The following SEMA6D variants were observed in gnomAD, a reference collection of about 807,000 sequenced individuals.
SEMA6D encodes the protein semaphorin 6D, also known as semaphorin-6D.
In SEMA6D, 35 loss-of-function variants were observed where a neutral mutation model predicts 106.6. That is an observed-to-expected ratio of 0.33 (90% CI 0.25 to 0.44). SEMA6D has a LOEUF of 0.44. Ranked by LOEUF, SEMA6D falls within the 20% of genes least tolerant of loss-of-function variation. SEMA6D has a pLI of 1.00. For missense variants in SEMA6D, 1,185 were observed against 1,345.9 expected, an observed-to-expected ratio of 0.88 and a Z score of 1.87; for synonymous variants, 499 against 487.7, an observed-to-expected ratio of 1.02 and a Z score of -0.31.
At chr15:47,237,006 A>C (rs1161494967) in intron 1 of SEMA6D, among the ~76,000 whole-genome samples, 1 of 152,178 alleles carries the variant, frequency 6.6e-6, no homozygotes, top group Non-Finnish European at 1.5e-5. Context: ...GTTCTATTGA[A>C]TCAAATGGAC....
At chr15:47,761,088 T>C in intron 4 of SEMA6D, 50 bp downstream of exon 4, 1 of 1,611,686 alleles carries the variant, frequency 6.2e-7, no homozygotes, top group South Asian at 1.1e-5. Context: ...TGAACCTGAT[T>C]AATTTTCCCA....
rs1555431242 is a variant in SEMA6D, at chr15:47,772,357, C to CGTGCGTGTGTGTGT, written c.*575_*576insCGTGTGTGTGTGTG. 1 of 141,546 alleles carries CGTGCGTGTGTGTGT rather than the reference C, an allele frequency of 7.1e-6. No homozygotes were observed. Among genetic ancestry groups the CGTGCGTGTGTGTGT allele is most frequent in the African/African-American group, 2.7e-5 (1 of 37,024 alleles). 8.8% of individuals were successfully genotyped at this position (141,546 alleles called of 1,614,324 possible). A position where few individuals can be genotyped will look rare whatever the true frequency, so the allele number is the denominator to read the frequency against. On this transcript the variant is annotated 3_prime_UTR_variant, in exon 19 of 19. Transcript: ENST00000536845. ...CACCAACAAACTTGTTGTGTGTGTGCGTGTGTGTGTGTGTGTGTGTGTGTG... is the reference window on the plus strand; with the variant it reads ...CACCAACAAACTTGTTGTGTGTGTGCGTGCGTGTGTGTGTGTGTGTGTGTGTGTGTGTGTGTGTG...
chr15:47,229,561 G>A (rs2032041939), intron 1 of SEMA6D, among the ~76,000 whole-genome samples: 1 of 150,230 alleles, frequency 6.7e-6, no homozygotes, highest in South Asian at 2.1e-4. Flanking sequence ...CCATTTGTCT[G>A]CTGTCATTTG....
intron 1 of SEMA6D, among the ~76,000 whole-genome samples, chr15:47,184,816 C>A (rs537777521): frequency 6.6e-6 from 1 of 152,258 alleles, no homozygotes; most frequent in Non-Finnish European, 1.5e-5. Flanking sequence ...GCGCCAAACC[C>A]GCAAGCTGGG....
chr15:47,397,589 A>G (rs2040258424), intron 1 of SEMA6D: 1 of 152,178 alleles, frequency 6.6e-6, no homozygotes, highest in African/African-American at 2.4e-5. Flanking sequence ...GAAATTGTAC[A>G]TTGATATACT....
At chr15:47,636,990 A>G (rs1275739622) in intron 4 of SEMA6D, among the ~76,000 whole-genome samples, 1 of 152,210 alleles carries the variant, frequency 6.6e-6, no homozygotes, top group Non-Finnish European at 1.5e-5. Flanking sequence ...TGTTTTTGAA[A>G]TAGTGCTGAA....
intron 1 of SEMA6D, among the ~76,000 whole-genome samples, chr15:47,254,876 TG>T (rs1379584976): frequency 0.014 from 34 of 2,378 alleles, no homozygotes; most frequent in African/African-American, 0.095. Context: ...CCTGTGGTTT[TG>T]TGTGTGTGTG....
chr15:47,686,128 A>G (rs1012755974), intron 4 of SEMA6D, among the ~76,000 whole-genome samples: 1 of 152,224 alleles, frequency 6.6e-6, no homozygotes, highest in Non-Finnish European at 1.5e-5. Flanking sequence ...CAGTGGCAAC[A>G]TATATTAAGA....
upstream of SEMA6D, among the ~76,000 whole-genome samples, chr15:47,715,283 TA>T (rs1227845830): frequency 6.6e-6 from 1 of 152,028 alleles, no homozygotes; most frequent in Non-Finnish European, 1.5e-5. Context: ...GTAGCAAAGT[TA>T]AAAGGTTAAA....
At chr15:47,352,983 A>C (rs1291717942) in intron 1 of SEMA6D, among the ~76,000 whole-genome samples, 2 of 152,098 alleles carry the variant, frequency 1.3e-5, no homozygotes, top group Non-Finnish European at 2.9e-5. Context: ...CTCTATACAA[A>C]TGTTTATTTA....
At chr15:47,645,481 T>C (rs1391670171) in intron 4 of SEMA6D, among the ~76,000 whole-genome samples, 1 of 152,028 alleles carries the variant, frequency 6.6e-6, no homozygotes, top group Non-Finnish European at 1.5e-5. Flanking sequence ...TAGGAAAAAA[T>C]AAGCCCAAAA....
chr15:47,636,590 A>G (rs73391001), intron 4 of SEMA6D, among the ~76,000 whole-genome samples: 5,228 of 152,186 alleles, frequency 0.034, 294 homozygotes, highest in African/African-American at 0.12. Flanking sequence ...CCTAGACATT[A>G]TCTTCTAGCC....
At chr15:47,508,928 G>A (rs2044137628) in intron 3 of SEMA6D, among the ~76,000 whole-genome samples, 1 of 152,058 alleles carries the variant, frequency 6.6e-6, no homozygotes, top group South Asian at 2.1e-4. Context: ...ACAGTGCCTG[G>A]CACTATATTT....
chr15:47,238,323 G>T (rs768099826), intron 1 of SEMA6D, among the ~76,000 whole-genome samples: 1 of 152,004 alleles, frequency 6.6e-6, no homozygotes, highest in Non-Finnish European at 1.5e-5. Flanking sequence ...AGCACACAGA[G>T]TTGCCTAAAC....
rs529144086 is a variant in SEMA6D at position 47,399,871 on chromosome 15, G to A, written c.-238-12522G>A. Among the ~76,000 whole-genome samples, 12 of 152,354 alleles carry A rather than the reference G, an allele frequency of 7.9e-5. No homozygotes were observed. In the South Asian group the frequency reaches 2.5e-3, roughly 32 times the overall value. On this transcript the variant is annotated intron_variant, in intron 1 of 19. Transcript: ENST00000558014. The stretch of plus-strand genomic sequence containing the variant: ...AGAGAAGAAATGGTTAGTGAGGTCA[G>A]TGAAAGCATCGATGTGTCAGGCTCA...
At chr15:47,262,022 A>G (rs977520271) in intron 1 of SEMA6D, among the ~76,000 whole-genome samples, 2 of 152,166 alleles carry the variant, frequency 1.3e-5, no homozygotes, top group East Asian at 1.9e-4. Context: ...AATCACTAAC[A>G]TTCCTATACA....
chr15:47,700,429 A>G (rs1002771979), intron 4 of SEMA6D, among the ~76,000 whole-genome samples: 5 of 152,100 alleles, frequency 3.3e-5, no homozygotes, highest in Non-Finnish European at 7.4e-5. Flanking sequence ...CTAGTTACTC[A>G]GAAGGTTGAG....
At chr15:47,657,891 C>G (rs573029429) in intron 4 of SEMA6D, among the ~76,000 whole-genome samples, 2 of 151,300 alleles carry the variant, frequency 1.3e-5, no homozygotes, top group African/African-American at 2.4e-5. Flanking sequence ...CAGGGACCCC[C>G]CACCACGCCC....
At chr15:47,500,158 T>C (rs1377684725) in intron 3 of SEMA6D, among the ~76,000 whole-genome samples, 2 of 152,158 alleles carry the variant, frequency 1.3e-5, no homozygotes, top group Admixed American at 6.5e-5. Flanking sequence ...AGACTTTTAC[T>C]GGTTAGAAGC....
Sources: gnomAD v4.1 joint callset for allele counts (sites outside exome capture counted in the v4.1 genomes callset) on GRCh38, gnomAD v4.1.1 for gene constraint, MANE v1.5 for transcripts, NCBI Gene and HGNC (gene_info 2026-07-23, HGNC 2026-07-21) for gene names.